Variants in DDX5 observed in about 807,000 individuals in gnomAD.
DDX5 encodes the protein probable ATP-dependent RNA helicase DDX5.
DDX5 carries 6 observed loss-of-function variants against 68.6 expected under a neutral mutation model. The ratio of observed to expected loss-of-function variants is 0.09; its 90% confidence interval spans 0.05 to 0.17. The LOEUF is 0.17. Ranked by LOEUF, DDX5 falls within the 10% of genes least tolerant of loss-of-function variation. The pLI is 1.00. For missense variants in DDX5, 499 were observed against 756.1 expected (o/e 0.66, Z 3.99); for synonymous variants, 350 against 247.0 (o/e 1.42, Z -3.91).
chr17:64,504,082 G>A lies in DDX5; in HGVS notation c.342C>T (p.Phe114=). 2 of 1,614,108 alleles carry A rather than the reference G, an allele frequency of 1.2e-6. No homozygotes were observed. Among genetic ancestry groups the A allele is most frequent in the East Asian group, 2.2e-5 (1 of 44,890 alleles). ...GAGCTTGAATAGCAGTGGGTTCAGT[G>A]AAATTCTGTCTTGCAATAACATCCA... The part of the protein sequence containing the change: ...NVMDVIARQN[F]TEPTAIQAQG... The change falls in exon 4 of 13, where the codon TTC becomes TTT. Residue 114 remains phenylalanine, a synonymous_variant. Coordinates refer to ENST00000225792, the MANE Select transcript of DDX5 (RefSeq NM_004396.5).
Position 64,503,117 on chromosome 17 carries a change from A to C in DDX5, c.811-19T>G, listed in dbSNP as rs781960703. ...TATCAGGCTAATGGATTTTGGGGGG[A>C]AAAATTAGTATCAGACTCTTAAGAG... On this transcript the variant is annotated intron_variant, in intron 7 of 12. Transcript: ENST00000225792. The C allele has an allele frequency of 1.9e-6, 3 of 1,610,694 alleles. No individual in the cohort carries two copies. Among genetic ancestry groups the C allele is most frequent in the Admixed American group, 1.7e-5 (1 of 59,774 alleles).
intron 1 of DDX5, 165 bp from the exon 2 acceptor site, chr17:64,505,007 G>A (rs2038399947): frequency 1.7e-6 from 1 of 586,396 alleles, no homozygotes. Context: ...AACAGCCACA[G>A]TTAACATTTC....
chr17:64,506,317 A>G (rs1991401), upstream of DDX5: 473,886 of 1,500,118 alleles, frequency 0.32, 79,288 homozygotes, highest in South Asian at 0.47. Context: ...AGCCGCTTTT[A>G]TAGTCTGGAC....
rs2038220288 is a variant in DDX5 at position 64,498,786 on chromosome 17, T to C, written c.*1137A>G. On this transcript the variant is annotated 3_prime_UTR_variant, in exon 13 of 13. Transcript: ENST00000225792. ...ATAAATGATTAGAAAGTTACGTTGG[T>C]GAGCCGAAGTTAAACCTAAAGCTAT... 3.3e-5 allele frequency among the ~76,000 whole-genome samples: 5 copies of C among 152,232 alleles called. No homozygotes were observed. The highest frequency in any genetic ancestry group is 3.3e-4 in the Admixed American group (5 of 15,282).
Position 64,498,707 on chromosome 17 carries a change from A to C in DDX5, c.*1216T>G, listed in dbSNP as rs2038216919. Among the ~76,000 whole-genome samples, 1 of 152,210 alleles carries C rather than the reference A, an allele frequency of 6.6e-6. No individual in the cohort carries two copies. On this transcript the variant is annotated 3_prime_UTR_variant, in exon 13 of 13. Transcript: ENST00000225792. Reference sequence around the variant, plus strand: ...GAAGACCTCTCTTCTGGCAAAAAAAAACACGTATCAGACTCTGGGAAAACA... The same window carrying C: ...GAAGACCTCTCTTCTGGCAAAAAAACACACGTATCAGACTCTGGGAAAACA...
intron 12 of DDX5, 80 bp from the exon 13 acceptor site, chr17:64,500,406 A>T (rs2038268318): frequency 1.3e-6 from 2 of 1,543,544 alleles, no homozygotes; most frequent in Admixed American, 1.9e-5. Flanking sequence ...AGATCTATTC[A>T]TGGTAGGCGT....
At chr17:64,503,621 A>C in intron 5 of DDX5, 50 bp from the exon 6 acceptor site, 1 of 1,603,996 alleles carries the variant, frequency 6.2e-7, no homozygotes, top group Non-Finnish European at 8.5e-7. Flanking sequence ...CTAGTTTTAA[A>C]CTGCTAACTT....
chr17:64,502,097 A>G (rs2038310726), intron 10 of DDX5, 28 bp from the exon 11 acceptor site: 2 of 1,613,796 alleles, frequency 1.2e-6, no homozygotes, highest in African/African-American at 1.3e-5. Context: ...TACATGATCA[A>G]TTATCTGAGC....
intron 1 of DDX5, 92 bp downstream of exon 1, chr17:64,505,984 G>T (rs1031166063): frequency 5.8e-6 from 9 of 1,542,386 alleles, no homozygotes; most frequent in Non-Finnish European, 7.9e-6. Context: ...GAAAGGCCAA[G>T]TCCAAGCCGC....
upstream of DDX5, chr17:64,506,421 G>A: frequency 7.3e-7 from 1 of 1,379,150 alleles, no homozygotes. Context: ...GGCGTTCCAG[G>A]ATCGCCGCGC....
At position 64,500,010 on chromosome 17, in the gene DDX5, A is replaced by G. The variant is rs2038255612; in HGVS notation, c.1758T>C (p.Asn586=). The G allele has an allele frequency of 1.2e-6, 2 of 1,614,230 alleles. No homozygotes were observed. Among genetic ancestry groups the G allele is most frequent in the Non-Finnish European group, 1.7e-6 (2 of 1,180,030 alleles). Residue 586 remains asparagine, a synonymous_variant, in exon 13 of 13, where the codon AAT becomes AAC. Coordinates refer to ENST00000225792, the MANE Select transcript of DDX5 (RefSeq NM_004396.5). ...QYGSNVPNMH[N]GMNQQAYAYP... The stretch of plus-strand genomic sequence containing the variant: ...ATGCATATGCCTGTTGGTTCATACC[A>G]TTGTGCATATTTGGAACATTACTTC...
In DDX5 at chr17:64,498,688, C is replaced by T. The variant is rs555566041; in HGVS notation, c.*1235G>A. 3.3e-5 allele frequency among the ~76,000 whole-genome samples: 5 copies of T among 151,412 alleles called. No homozygotes were observed. The East Asian group carries it at 7.7e-4, about 23-fold the overall frequency. On this transcript the variant is annotated 3_prime_UTR_variant, in exon 13 of 13. Coordinates refer to ENST00000225792, the MANE Select transcript of DDX5 (RefSeq NM_004396.5). ...AATTTAAATGAAGTCTCCTGAAGAC[C>T]TCTCTTCTGGCAAAAAAAAACACGT...
intron 1 of DDX5, chr17:64,505,726 C>G: frequency 6.5e-7 from 1 of 1,536,062 alleles, no homozygotes; most frequent in South Asian, 1.2e-5. Context: ...ACCCCAAAAA[C>G]ACCTCCCGAA....
intron 1 of DDX5, chr17:64,505,238 G>A (rs1377676597): frequency 1.9e-5 from 5 of 256,744 alleles, no homozygotes; most frequent in Non-Finnish European, 3.8e-5. Context: ...TCACGACGAT[G>A]TTACTCATAT....
At chr17:64,503,719 C>G (rs1321994592) in intron 5 of DDX5, 84 bp downstream of exon 5, 2 of 1,545,474 alleles carry the variant, frequency 1.3e-6, no homozygotes. Flanking sequence ...TATATAAAAC[C>G]ACCACAAATG....
chr17:64,501,017 T>G (rs977000461), intron 11 of DDX5: 20 of 554,308 alleles, frequency 3.6e-5, no homozygotes, highest in Non-Finnish European at 6.1e-5. Flanking sequence ...AAGGAATGTG[T>G]GTTCCCTAAG....
chr17:64,502,553 A>T lies in DDX5; in HGVS notation c.984-4T>A, dbSNP rs781897802. The T allele has an allele frequency of 1.3e-6, 2 of 1,593,738 alleles. No individual in the cohort carries two copies. The highest frequency in any genetic ancestry group is 1.7e-6 in the Non-Finnish European group (2 of 1,163,330). ...CTCTTCCATTAGACGAATAAGTCTA[A>T]TAATAGGAGAGAGAAAGGAAAAATC... On this transcript the variant is annotated splice_polypyrimidine_tract_variant and splice_region_variant and intron_variant, in intron 8 of 12. Coordinates refer to ENST00000225792, the MANE Select transcript of DDX5 (RefSeq NM_004396.5).
chr17:64,499,106 C>T lies in DDX5; in HGVS notation c.*817G>A, dbSNP rs1157608923. 2.0e-5 allele frequency among the ~76,000 whole-genome samples: 3 copies of T among 152,202 alleles called. No homozygotes were observed. The highest frequency in any genetic ancestry group is 7.2e-5 in the African/African-American group (3 of 41,442). On this transcript the variant is annotated 3_prime_UTR_variant, in exon 13 of 13. Coordinates refer to ENST00000225792, the MANE Select transcript of DDX5 (RefSeq NM_004396.5). ...TTCAGTAAAGGAGACTCAAGCTTAG[C>T]TCCTGGCCATCTTAAAGGGCTAATG... is the stretch of plus-strand genomic sequence containing the variant.
chr17:64,505,429 C>T, intron 1 of DDX5: 2 of 545,474 alleles, frequency 3.7e-6, no homozygotes, highest in Admixed American at 6.4e-5. Context: ...AAGGAGGAGC[C>T]GGCGACTACC....
Sources: gnomAD v4.1 joint callset for allele counts (sites outside exome capture counted in the v4.1 genomes callset) on GRCh38, gnomAD v4.1.1 for gene constraint, MANE v1.5 for transcripts, NCBI Gene and HGNC (gene_info 2026-07-23, HGNC 2026-07-21) for gene names.